Variants in CUX1 observed in about 807,000 individuals in gnomAD.
The protein encoded by CUX1 is cut like homeobox 1.
CUX1 carries 31 observed loss-of-function variants against 158.8 expected under a neutral mutation model. The observed-to-expected ratio is 0.20, with a 90% CI of 0.15 to 0.26. The LOEUF (loss-of-function observed/expected upper bound fraction) is 0.26. CUX1 is among the 10% of genes least tolerant of loss of function. CUX1 has a pLI of 1.00. For synonymous variants in CUX1, 879 were observed against 862.1 expected, an observed-to-expected ratio of 1.02 and a Z score of -0.34; for missense variants, 1,589 against 2,014.6, an observed-to-expected ratio of 0.79 and a Z score of 4.04.
chr7:102,091,561 C>T (rs1828584010), intron 4 of CUX1, among the ~76,000 whole-genome samples: 1 of 152,180 alleles, frequency 6.6e-6, no homozygotes, highest in Admixed American at 6.5e-5. Context: ...TCTTGAACTG[C>T]TGGCCTCAAG....
At chr7:102,024,869 G>A (rs1206129566) in intron 2 of CUX1, among the ~76,000 whole-genome samples, 2 of 152,154 alleles carry the variant, frequency 1.3e-5, no homozygotes, top group Non-Finnish European at 2.9e-5. Flanking sequence ...TGTTGCTGCT[G>A]TCGCAACCTG....
At chr7:101,989,571 T>G (rs1814829730) in intron 2 of CUX1, among the ~76,000 whole-genome samples, 1 of 152,174 alleles carries the variant, frequency 6.6e-6, no homozygotes, top group Admixed American at 6.5e-5. Flanking sequence ...GCCCTGGCAT[T>G]TAAGAGCTCG....
intron 19 of CUX1, chr7:102,280,156 G>A: frequency 1.4e-6 from 2 of 1,456,834 alleles, no homozygotes; most frequent in South Asian, 1.1e-5. Context: ...GAGGGGAGGG[G>A]CATCAGCCCA....
intron 2 of CUX1, among the ~76,000 whole-genome samples, chr7:102,020,815 G>A (rs1301907292): frequency 6.6e-6 from 1 of 151,980 alleles, no homozygotes; most frequent in East Asian, 1.9e-4. Flanking sequence ...AGGAGGCAGA[G>A]GTTGCAGTGA....
chr7:102,095,805 A>G (rs894057618), intron 4 of CUX1, among the ~76,000 whole-genome samples: 5 of 152,228 alleles, frequency 3.3e-5, no homozygotes, highest in African/African-American at 4.8e-5. Context: ...ATATTCAATA[A>G]TCTTTCTAAG....
chr7:102,203,147 A>G (rs191792862), intron 18 of CUX1, among the ~76,000 whole-genome samples: 54 of 152,130 alleles, frequency 3.5e-4, no homozygotes, highest in African/African-American at 1.3e-3. Context: ...TTCTATTTTT[A>G]GTCGAGTCAG....
intron 2 of CUX1, among the ~76,000 whole-genome samples, chr7:102,022,937 G>A (rs1432943417): frequency 1.3e-5 from 2 of 152,114 alleles, no homozygotes; most frequent in South Asian, 2.1e-4. Context: ...AAACATGGCC[G>A]GGTGCAGTGG....
chr7:102,116,170 G>T (rs578115568), intron 8 of CUX1, among the ~76,000 whole-genome samples: 1 of 152,100 alleles, frequency 6.6e-6, no homozygotes, highest in Non-Finnish European at 1.5e-5. Context: ...ATGGGGTGCC[G>T]GCACTTACTG....
intron 13 of CUX1, 37 bp from the exon 14 acceptor site, chr7:102,195,446 TGGCCCCGGGAGCGGGTGAGTGGCC>T: frequency 7.2e-7 from 1 of 1,392,444 alleles, no homozygotes; most frequent in Admixed American, 1.9e-5. Flanking sequence ...CCAGGCCTGG[TGGCCCCGGGAGCGGGTGAGTGGCC>T]GGCCCCGCAG....
intron 2 of CUX1, among the ~76,000 whole-genome samples, chr7:101,925,654 A>G (rs1018820748): frequency 6.6e-6 from 1 of 152,224 alleles, no homozygotes; most frequent in East Asian, 1.9e-4. Context: ...AAATTCAGCC[A>G]GGTGCAGTAG....
At chr7:101,856,532 G>A (rs1009582031) in intron 1 of CUX1, among the ~76,000 whole-genome samples, 1 of 152,194 alleles carries the variant, frequency 6.6e-6, no homozygotes, top group Admixed American at 6.5e-5. Flanking sequence ...ACCCTTCAGC[G>A]TGTCATGCGT....
At chr7:101,851,268 C>G (rs1264333852) in intron 1 of CUX1, among the ~76,000 whole-genome samples, 1 of 152,138 alleles carries the variant, frequency 6.6e-6, no homozygotes, top group African/African-American at 2.4e-5. Flanking sequence ...CCTCCAGCAA[C>G]ATAGATCTCT....
chr7:102,004,775 G>A (rs1452435256), intron 2 of CUX1, among the ~76,000 whole-genome samples: 1 of 152,072 alleles, frequency 6.6e-6, no homozygotes, highest in Non-Finnish European at 1.5e-5. Context: ...CACCTGGACA[G>A]GTACACAGTG....
chr7:101,932,428 C>T (rs1281708547), intron 2 of CUX1: 3 of 377,406 alleles, frequency 7.9e-6, no homozygotes, highest in Admixed American at 3.1e-5. Context: ...CAGGAATACG[C>T]GCAGAGATGT....
At chr7:102,245,285 T>C in intron 23 of CUX1, among the ~76,000 whole-genome samples, 1 of 152,134 alleles carries the variant, frequency 6.6e-6, no homozygotes, top group East Asian at 1.9e-4. Flanking sequence ...GCTCAAGTGA[T>C]CTCCCACCCA....
intron 22 of CUX1, among the ~76,000 whole-genome samples, chr7:102,238,325 G>C (rs553087119): frequency 6.6e-6 from 1 of 152,160 alleles, no homozygotes; most frequent in African/African-American, 2.4e-5. Flanking sequence ...AGACGCTGGC[G>C]TTACCTCTAG....
At chr7:102,085,375 T>C (rs1827853354) in intron 4 of CUX1, among the ~76,000 whole-genome samples, 1 of 152,188 alleles carries the variant, frequency 6.6e-6, no homozygotes, top group Non-Finnish European at 1.5e-5. Flanking sequence ...TCATCTTGAA[T>C]TGTAGTTCCC....
intron 2 of CUX1, among the ~76,000 whole-genome samples, chr7:101,948,439 G>C (rs1293981209): frequency 2.0e-5 from 3 of 152,114 alleles, no homozygotes; most frequent in African/African-American, 7.2e-5. Flanking sequence ...GTGGTGCCTC[G>C]GGATTTTATA....
intron 3 of CUX1, among the ~76,000 whole-genome samples, chr7:102,034,355 T>A (rs1821168740): frequency 6.6e-6 from 1 of 152,054 alleles, no homozygotes; most frequent in Non-Finnish European, 1.5e-5. Context: ...AAGATTTTGA[T>A]AAAATTTAAA....
Sources: allele counts gnomAD v4.1 joint callset (sites outside exome capture counted in the v4.1 genomes callset), GRCh38; gene constraint gnomAD v4.1.1; transcripts MANE v1.5; gene names NCBI Gene and HGNC (gene_info 2026-07-23, HGNC 2026-07-21).